The following ECE1 variants were observed in gnomAD, a reference collection of about 807,000 sequenced individuals.
ECE1 encodes endothelin-converting enzyme 1.
ECE1 carries 35 observed loss-of-function variants against 98.6 expected under a neutral mutation model. That is an observed-to-expected ratio of 0.35 (90% CI 0.27 to 0.47). The LOEUF (loss-of-function observed/expected upper bound fraction) is 0.47, where lower values mean the gene tolerates loss of function less well. ECE1 is among the 20% of genes least tolerant of loss of function. The pLI is 1.00. For missense variants in ECE1, 814 were observed against 1,025.3 expected, an observed-to-expected ratio of 0.79 and a Z score of 2.81; for synonymous variants, 394 against 407.1, an observed-to-expected ratio of 0.97 and a Z score of 0.39.
rs538795899 is a variant in ECE1, at chr1:21,218,033, C to T, written c.*1922G>A. On this transcript the variant is annotated 3_prime_UTR_variant, in exon 19 of 19. Transcript: ENST00000374893. This position sits in a 1 kb window ranked among gnomAD's most constrained non-coding sequence, Gnocchi z 4.0. ...GCACGTGCTGCCCCCACCTCCGTCTCGGGGCCTGGCTTCCCCACTGGATGG... is the reference window on the plus strand; with the variant it reads ...GCACGTGCTGCCCCCACCTCCGTCTTGGGGCCTGGCTTCCCCACTGGATGG... 2.0e-5 allele frequency: 3 copies of T among 152,592 alleles called. No homozygotes were observed. The highest frequency in any genetic ancestry group is 2.1e-4 in the South Asian group (1 of 4,830). The allele number at this position is 152,592 out of a possible 1,614,324, so 9.5% of individuals were successfully genotyped here. A position where few individuals can be genotyped will look rare whatever the true frequency, so the allele number is the denominator to read the frequency against.
chr1:21,333,694 C>G (rs993485005), intron 1 of ECE1, among the ~76,000 whole-genome samples: 1 of 152,172 alleles, frequency 6.6e-6, no homozygotes, highest in Non-Finnish European at 1.5e-5. Flanking sequence ...GTTAGCCAGG[C>G]ATGGTGGCAC....
upstream of ECE1, chr1:21,293,204 C>T (rs778236573): frequency 2.0e-5 from 3 of 152,158 alleles, no homozygotes; most frequent in Non-Finnish European, 2.9e-5. Flanking sequence ...GAAGTTAACT[C>T]GCCCAGGTGT....
At chr1:21,282,654 G>C (rs1284210694) in intron 2 of ECE1, among the ~76,000 whole-genome samples, 1 of 151,598 alleles carries the variant, frequency 6.6e-6, no homozygotes, top group African/African-American at 2.4e-5. Flanking sequence ...GCTGGCTCCA[G>C]GGAGCCAAAG....
At chr1:21,299,512 G>A (rs1638439386) in intron 1 of ECE1, 1 of 152,440 alleles carries the variant, frequency 6.6e-6, no homozygotes, top group Admixed American at 6.5e-5. Flanking sequence ...TGGGAGGCTG[G>A]AGATCCACAT....
intron 1 of ECE1, among the ~76,000 whole-genome samples, chr1:21,331,811 G>A (rs1414762665): frequency 6.6e-6 from 1 of 152,116 alleles, no homozygotes; most frequent in Non-Finnish European, 1.5e-5. Flanking sequence ...CTGGCACACA[G>A]CAAACACTCA....
At chr1:21,224,558 C>A (rs2098171325) in intron 17 of ECE1, among the ~76,000 whole-genome samples, 1 of 152,108 alleles carries the variant, frequency 6.6e-6, no homozygotes, top group Non-Finnish European at 1.5e-5. Context: ...CCAAGCCTGG[C>A]ACTTAAGAAG....
intron 1 of ECE1, among the ~76,000 whole-genome samples, chr1:21,297,176 C>T (rs1638378142): frequency 6.6e-6 from 1 of 152,240 alleles, no homozygotes; most frequent in Non-Finnish European, 1.5e-5. Context: ...AGCACTCACT[C>T]ACATGGCCCA....
chr1:21,325,345 G>A (rs955328166), intron 1 of ECE1, among the ~76,000 whole-genome samples: 31 of 152,208 alleles, frequency 2.0e-4, no homozygotes, highest in Admixed American at 1.6e-3. Context: ...GAGAAGTAAC[G>A]TCACAATTAA....
At chr1:21,313,092 T>C (rs1380225507) in intron 1 of ECE1, among the ~76,000 whole-genome samples, 1 of 152,112 alleles carries the variant, frequency 6.6e-6, no homozygotes, top group Non-Finnish European at 1.5e-5. Flanking sequence ...CTACTTATTG[T>C]TTCCACTCTG....
chr1:21,311,012 G>A (rs1638711811), intron 1 of ECE1, among the ~76,000 whole-genome samples: 1 of 152,200 alleles, frequency 6.6e-6, no homozygotes, highest in African/African-American at 2.4e-5. Flanking sequence ...GCCCCTGTGA[G>A]GAAAGCTGGA....
intron 2 of ECE1, among the ~76,000 whole-genome samples, chr1:21,289,021 C>T (rs149068145): frequency 3.2e-4 from 48 of 152,328 alleles, no homozygotes; most frequent in Admixed American, 5.9e-4. Flanking sequence ...AATGGTGTCT[C>T]CCTGCGCTGG....
chr1:21,332,353 C>T (rs1639214893), intron 1 of ECE1, among the ~76,000 whole-genome samples: 1 of 151,896 alleles, frequency 6.6e-6, no homozygotes, highest in South Asian at 2.1e-4. Context: ...AATCAGGTGA[C>T]ATTTATTAGG....
At chr1:21,320,672 G>T (rs564440976) in intron 1 of ECE1, among the ~76,000 whole-genome samples, 1 of 152,206 alleles carries the variant, frequency 6.6e-6, no homozygotes, top group Non-Finnish European at 1.5e-5. Flanking sequence ...CCTGAAGGAC[G>T]CACGTGTCTG....
intron 3 of ECE1, among the ~76,000 whole-genome samples, chr1:21,275,812 C>T (rs2098245837): frequency 6.6e-6 from 1 of 152,002 alleles, no homozygotes; most frequent in Non-Finnish European, 1.5e-5. Flanking sequence ...CATCTAAGGC[C>T]CCCTCTTCCT....
Position 21,234,000 on chromosome 1 carries a change from T to G in ECE1, c.1567-339A>C, listed in dbSNP as rs1197568507. Among the ~76,000 whole-genome samples, 9 of 152,154 alleles carry G rather than the reference T, an allele frequency of 5.9e-5. No individual in the cohort carries two copies. The stretch of plus-strand genomic sequence containing the variant: ...ACTAAGCATTTCTTTCTTTCTTTTT[T>G]TTTTGAGACGGGAATCTTGATCTAT... On this transcript the variant is annotated intron_variant, in intron 13 of 18. Coordinates refer to ENST00000374893, the MANE Select transcript of ECE1 (RefSeq NM_001397.3). This position sits in a 1 kb window ranked among gnomAD's most constrained non-coding sequence, Gnocchi z 4.0.
At chr1:21,332,740 G>A (rs1459460068) in intron 1 of ECE1, among the ~76,000 whole-genome samples, 2 of 49,578 alleles carry the variant, frequency 4.0e-5, no homozygotes, top group Non-Finnish European at 8.7e-5. Flanking sequence ...GGGAGGGGAG[G>A]GGAGGGGAGG....
intron 1 of ECE1, among the ~76,000 whole-genome samples, chr1:21,310,155 G>A (rs145572566): frequency 3.3e-5 from 5 of 152,290 alleles, no homozygotes; most frequent in Admixed American, 1.3e-4. Flanking sequence ...GGGAGGGAGG[G>A]AGGATCATCA....
chr1:21,287,963 A>AGG (rs2098262464), intron 2 of ECE1, among the ~76,000 whole-genome samples: 1 of 151,282 alleles, frequency 6.6e-6, no homozygotes, highest in African/African-American at 2.5e-5. Flanking sequence ...CACTGGGGAA[A>AGG]AAAAAAAAAA....
chr1:21,342,049 C>T (rs1639409413), intron 1 of ECE1, among the ~76,000 whole-genome samples: 1 of 152,228 alleles, frequency 6.6e-6, no homozygotes, highest in South Asian at 2.1e-4. Context: ...GGCACAGAGC[C>T]GGGGAATGGC....
Sources: allele counts gnomAD v4.1 joint callset (sites outside exome capture counted in the v4.1 genomes callset), GRCh38; gene constraint gnomAD v4.1.1; non-coding constraint Gnocchi (gnomAD v3.1); transcripts MANE v1.5; gene names NCBI Gene and HGNC (gene_info 2026-07-23, HGNC 2026-07-21).